Variants in TLE4 observed in about 807,000 individuals in gnomAD.
TLE4 encodes the protein TLE family member 4, transcriptional corepressor, also known as transducin-like enhancer protein 4.
In TLE4, 8 loss-of-function variants were observed where a neutral mutation model predicts 92.8. That is an observed-to-expected ratio of 0.09 (90% CI 0.05 to 0.16). The LOEUF (loss-of-function observed/expected upper bound fraction) is 0.16, where lower values mean the gene tolerates loss of function less well. Among genes scored for constraint, TLE4 ranks in the 10% least tolerant of loss-of-function variants. The pLI, the probability that TLE4 is intolerant of heterozygous loss-of-function variation, is 1.00. For synonymous variants in TLE4, 371 were observed against 374.1 expected (o/e 0.99, Z 0.10); for missense variants, 675 against 997.6 (o/e 0.68, Z 4.36).
chr9:79,687,234 C>T (rs2066060905), intron 8 of TLE4, among the ~76,000 whole-genome samples: 2 of 152,198 alleles, frequency 1.3e-5, no homozygotes, highest in African/African-American at 2.4e-5. Context: ...CTCACTTGCT[C>T]ATGGGCTTGG....
intron 5 of TLE4, among the ~76,000 whole-genome samples, chr9:79,625,869 G>A (rs1032585226): frequency 6.7e-6 from 1 of 149,770 alleles, no homozygotes; most frequent in African/African-American, 2.4e-5. Context: ...TCTATAAATA[G>A]ACTTTTATAT....
chr9:79,623,862 A>G (rs1360793781), intron 5 of TLE4, among the ~76,000 whole-genome samples: 1 of 152,058 alleles, frequency 6.6e-6, no homozygotes, highest in Non-Finnish European at 1.5e-5. Flanking sequence ...ATTTGGTGGT[A>G]CTGGTGGCGC....
chr9:79,581,559 G>A (rs1162825280), intron 4 of TLE4, among the ~76,000 whole-genome samples: 4 of 152,252 alleles, frequency 2.6e-5, no homozygotes, highest in East Asian at 1.9e-4. Flanking sequence ...TCTGGCTTGC[G>A]CTTACCACTG....
At position 79,706,832 on chromosome 9, in the gene TLE4, C is replaced by T. The variant is rs2071714460; in HGVS notation, c.869C>T (p.Pro290Leu). The T allele has an allele frequency of 2.5e-6, 4 of 1,614,194 alleles. No individual in the cohort carries two copies. The highest frequency in any genetic ancestry group is 3.4e-6 in the Non-Finnish European group (4 of 1,180,038). Residue 290 changes from proline to leucine, a missense_variant, in exon 11 of 20, where the codon CCG becomes CTG. Pro to Leu is a moderately conservative substitution (Grantham distance 98, BLOSUM62 -3). Around this residue, in one of 5 missense-constraint regions of TLE4, gnomAD observed 280 missense variants for 287.3 expected, o/e 0.97. Transcript: ENST00000376552. ...DKTRLLKKDAPISPASIASSS... is the reference protein window; with the variant it reads ...DKTRLLKKDALISPASIASSS... ...ACACGCCTGCTCAAGAAAGATGCCC[C>T]GATTAGTCCAGCCTCTATTGCATCT...
At chr9:79,717,389 C>T (rs2074719278) in intron 14 of TLE4, among the ~76,000 whole-genome samples, 1 of 152,156 alleles carries the variant, frequency 6.6e-6, no homozygotes, top group Non-Finnish European at 1.5e-5. Flanking sequence ...TGATTTGATG[C>T]AAGAAATGTC....
intron 4 of TLE4, chr9:79,580,475 G>A (rs2039334160): frequency 6.6e-6 from 1 of 152,158 alleles, no homozygotes; most frequent in Admixed American, 6.5e-5. Context: ...TGACATTCTA[G>A]CCTTGAGTGT....
At chr9:79,579,974 A>C (rs1399997580) in intron 4 of TLE4, 2 of 152,230 alleles carry the variant, frequency 1.3e-5, no homozygotes, top group Non-Finnish European at 2.9e-5. Context: ...GTGGATTGCC[A>C]ATACTGCTTG....
intron 4 of TLE4, among the ~76,000 whole-genome samples, chr9:79,596,087 C>T (rs535036626): frequency 4.1e-4 from 63 of 152,188 alleles, no homozygotes; most frequent in Admixed American, 9.8e-4. Context: ...ACCTCGTGAT[C>T]CGCCCGCCCT....
chr9:79,710,183 T>G (rs1273460865), intron 14 of TLE4, among the ~76,000 whole-genome samples: 9 of 152,228 alleles, frequency 5.9e-5, no homozygotes, highest in Non-Finnish European at 8.8e-5. Context: ...ACAGATTCCT[T>G]GAGTTAGGAA....
intron 16 of TLE4, 84 bp downstream of exon 16, chr9:79,720,377 G>GGTGTGTGTGT (rs71364488): frequency 1.3e-5 from 4 of 316,580 alleles, no homozygotes; most frequent in African/African-American, 1.1e-4. Context: ...TATAGGTATG[G>GGTGTGTGTGT]GTGTGTGTGT....
intron 14 of TLE4, among the ~76,000 whole-genome samples, chr9:79,711,996 A>G (rs1258118901): frequency 6.6e-6 from 1 of 152,152 alleles, no homozygotes; most frequent in East Asian, 1.9e-4. Context: ...AACCACTGAG[A>G]AGAGTGGCTT....
Position 79,664,862 on chromosome 9 carries a change from T to C in TLE4, c.609+10787T>C, listed in dbSNP as rs888030379. Among the ~76,000 whole-genome samples the C allele has an allele frequency of 2.0e-5, 3 of 152,344 alleles. No individual in the cohort carries two copies. In the East Asian group the frequency reaches 5.8e-4, roughly 29 times the overall value. ...TGTCATTTTCAATTCCCTTCTCTTT[T>C]CTTCCTTTTTTCTCTTTGTGCCTCC... On this transcript the variant is annotated intron_variant, in intron 8 of 19. Transcript: ENST00000376552.
At chr9:79,598,067 C>G (rs2044489271) in intron 4 of TLE4, among the ~76,000 whole-genome samples, 1 of 120,558 alleles carries the variant, frequency 8.3e-6, no homozygotes, top group South Asian at 2.6e-4. Flanking sequence ...CCTGTCTCTA[C>G]TGAAAAAGAA....
At chr9:79,574,746 A>G (rs1245688080) in intron 2 of TLE4, 127 bp from the exon 3 acceptor site, 5 of 724,008 alleles carry the variant, frequency 6.9e-6, no homozygotes, top group African/African-American at 1.8e-5. Flanking sequence ...CCCTTTCCAT[A>G]ATGATGGGGG....
At chr9:79,602,205 C>T (rs1418258044) in intron 4 of TLE4, among the ~76,000 whole-genome samples, 3 of 152,154 alleles carry the variant, frequency 2.0e-5, no homozygotes, top group Non-Finnish European at 2.9e-5. Context: ...CAAAGTGAAG[C>T]GGCAAGTACT....
At chr9:79,677,462 T>C (rs2063478965) in intron 8 of TLE4, among the ~76,000 whole-genome samples, 1 of 152,108 alleles carries the variant, frequency 6.6e-6, no homozygotes, top group Non-Finnish European at 1.5e-5. Context: ...AAGATTTCCT[T>C]CTCTTTTTCT....
chr9:79,628,365 G>C (rs542356440), intron 6 of TLE4, among the ~76,000 whole-genome samples: 25 of 150,960 alleles, frequency 1.7e-4, no homozygotes, highest in Admixed American at 1.4e-3. Context: ...TAATTATTTC[G>C]TTTACTTTCA....
chr9:79,659,944 A>T (rs1324471801), intron 8 of TLE4, among the ~76,000 whole-genome samples: 1 of 152,214 alleles, frequency 6.6e-6, no homozygotes, highest in Non-Finnish European at 1.5e-5. Flanking sequence ...TACGGTCAGC[A>T]TACATTTCTA....
At chr9:79,577,967 A>G (rs2038425309) in intron 4 of TLE4, among the ~76,000 whole-genome samples, 1 of 152,166 alleles carries the variant, frequency 6.6e-6, no homozygotes, top group Non-Finnish European at 1.5e-5. Flanking sequence ...AAAATTGAGA[A>G]CAGTACATTT....
Sources: gnomAD v4.1 joint callset for allele counts (sites outside exome capture counted in the v4.1 genomes callset) on GRCh38, gnomAD v4.1.1 for gene constraint, gnomAD v4.1.1 regional missense constraint, MANE v1.5 for transcripts, NCBI Gene and HGNC (gene_info 2026-07-23, HGNC 2026-07-21) for gene names.